Variants in ITGB5 observed in about 807,000 individuals in gnomAD.
ITGB5 encodes integrin beta-5.
Under a neutral mutation model 84.8 loss-of-function variants are expected in ITGB5, and 38 were observed. That is an observed-to-expected ratio of 0.45 (90% CI 0.35 to 0.59). The LOEUF is 0.59. Ranked by LOEUF, ITGB5 falls within the 20% of genes least tolerant of loss-of-function variation. The pLI, the probability that ITGB5 is intolerant of heterozygous loss-of-function variation, is 0.01. For missense variants in ITGB5, 905 were observed against 1,034.5 expected, an observed-to-expected ratio of 0.87 and a Z score of 1.72; for synonymous variants, 393 against 414.4, an observed-to-expected ratio of 0.95 and a Z score of 0.63.
chr3:124,777,859 T>C (rs2063946839), intron 10 of ITGB5, among the ~76,000 whole-genome samples: 1 of 152,210 alleles, frequency 6.6e-6, no homozygotes, highest in South Asian at 2.1e-4. Flanking sequence ...CAGTTGAGCC[T>C]CAACCTGCCT....
intron 1 of ITGB5, among the ~76,000 whole-genome samples, chr3:124,894,285 C>T (rs1484764180): frequency 6.6e-6 from 1 of 151,830 alleles, no homozygotes; most frequent in Non-Finnish European, 1.5e-5. Flanking sequence ...AGGCGCCCAC[C>T]ACCATGCCCG....
At chr3:124,790,520 G>A (rs144195265) in intron 10 of ITGB5, among the ~76,000 whole-genome samples, 3,300 of 146,888 alleles carry the variant, frequency 0.022, no homozygotes, top group South Asian at 0.065. Context: ...TATCAGAACC[G>A]CCTTTGACTA....
At chr3:124,851,102 G>A (rs1499965) in intron 3 of ITGB5, among the ~76,000 whole-genome samples, 17,419 of 152,214 alleles carry the variant, frequency 0.11, 1,115 homozygotes, top group Admixed American at 0.17. Context: ...TTAACAGATG[G>A]GCACTTTAAA....
intron 8 of ITGB5, among the ~76,000 whole-genome samples, chr3:124,813,897 T>G (rs1435767130): frequency 1.3e-5 from 2 of 152,034 alleles, no homozygotes; most frequent in Non-Finnish European, 2.9e-5. Context: ...AACCCTCTAA[T>G]CACATGGCTG....
intron 5 of ITGB5, among the ~76,000 whole-genome samples, chr3:124,834,157 G>A (rs764492653): frequency 2.0e-5 from 3 of 151,998 alleles, no homozygotes; most frequent in African/African-American, 7.2e-5. Flanking sequence ...ACCTGTTGTC[G>A]TACATTTGTT....
At chr3:124,793,062 C>T (rs1008972283) in intron 10 of ITGB5, 10 of 152,136 alleles carry the variant, frequency 6.6e-5, no homozygotes, top group African/African-American at 1.2e-4. Context: ...TGTTCCCTAC[C>T]GAGTACCAGG....
intron 5 of ITGB5, among the ~76,000 whole-genome samples, chr3:124,823,414 C>A (rs1055756874): frequency 6.6e-6 from 1 of 151,842 alleles, no homozygotes; most frequent in Non-Finnish European, 1.5e-5. Flanking sequence ...AGTGAAGAGG[C>A]CAGACACATT....
At chr3:124,889,779 C>A (rs1213621049), upstream of ITGB5, among the ~76,000 whole-genome samples, 1 of 152,018 alleles carries the variant, frequency 6.6e-6, no homozygotes, top group Non-Finnish European at 1.5e-5. Context: ...TTTGGGAGAC[C>A]CAGTCGGGTG....
At chr3:124,827,976 C>T (rs147410928) in intron 5 of ITGB5, among the ~76,000 whole-genome samples, 2,243 of 150,848 alleles carry the variant, frequency 0.015, 25 homozygotes, top group South Asian at 0.03. Flanking sequence ...TATAAAACAG[C>T]ACCCCCCCAA....
chr3:124,829,206 A>G (rs369819649), intron 5 of ITGB5, among the ~76,000 whole-genome samples: 1 of 152,232 alleles, frequency 6.6e-6, no homozygotes, highest in Admixed American at 6.5e-5. Context: ...TGTTGAATAT[A>G]TTCTCTTTTT....
chr3:124,851,358 G>A (rs191128691), intron 3 of ITGB5, among the ~76,000 whole-genome samples: 17 of 152,176 alleles, frequency 1.1e-4, no homozygotes, highest in Admixed American at 2.0e-4. Flanking sequence ...CTTTGGCCTC[G>A]GTTTTCCCAA....
rs778315404 is a variant in ITGB5, at chr3:124,848,341, C to G, written c.579G>C (p.Thr193=). The part of the protein sequence containing the change: ...VDKDISPFSY[T]APRYQTNPCI... ...ACGGATTGGTCTGGTACCTCGGTGCCGTGTAGGAGAAAGGAGAGATGTCCT... is the reference window on the plus strand; with the variant it reads ...ACGGATTGGTCTGGTACCTCGGTGCGGTGTAGGAGAAAGGAGAGATGTCCT... Residue 193 remains threonine, a synonymous_variant, in exon 4 of 15, where the codon ACG becomes ACC. Coordinates refer to ENST00000296181, the MANE Select transcript of ITGB5 (RefSeq NM_002213.5). 20 of 1,614,142 alleles carry G rather than the reference C, an allele frequency of 1.2e-5. 1 individual carries two copies. The Middle Eastern group carries it at 1.6e-3, about 133-fold the overall frequency.
At chr3:124,888,312 C>G (rs1343648662), upstream of ITGB5, among the ~76,000 whole-genome samples, 1 of 152,154 alleles carries the variant, frequency 6.6e-6, no homozygotes, top group Non-Finnish European at 1.5e-5. Context: ...CTGTCAGTTT[C>G]CATGATCAAA....
chr3:124,881,282 C>G (rs532406202), intron 1 of ITGB5, among the ~76,000 whole-genome samples: 11 of 152,234 alleles, frequency 7.2e-5, no homozygotes, highest in African/African-American at 2.6e-4. Context: ...CCCTGCCTGG[C>G]CAAATCTTTT....
chr3:124,805,905 A>T (rs2064394452), intron 9 of ITGB5, among the ~76,000 whole-genome samples: 1 of 152,198 alleles, frequency 6.6e-6, no homozygotes, highest in Non-Finnish European at 1.5e-5. Context: ...ATTTCAATCC[A>T]TCTCAATTTC....
At chr3:124,764,963 GGCC>G (rs1461492904) in intron 13 of ITGB5, among the ~76,000 whole-genome samples, 3 of 152,334 alleles carry the variant, frequency 2.0e-5, no homozygotes, top group South Asian at 4.1e-4. Context: ...CTGGGCTGGG[GGCC>G]AACATTTGTA....
intron 2 of ITGB5, among the ~76,000 whole-genome samples, chr3:124,868,958 C>G (rs1163688927): frequency 6.6e-6 from 1 of 152,116 alleles, no homozygotes; most frequent in Non-Finnish European, 1.5e-5. Context: ...TACATGATAC[C>G]TGTGGGAGGA....
At chr3:124,779,485 T>C (rs1246333692) in intron 10 of ITGB5, among the ~76,000 whole-genome samples, 2 of 151,944 alleles carry the variant, frequency 1.3e-5, no homozygotes, top group Admixed American at 6.6e-5. Flanking sequence ...AGGTGGGAAG[T>C]TGTGCATAAG....
intron 5 of ITGB5, among the ~76,000 whole-genome samples, chr3:124,838,961 C>T (rs1239824683): frequency 6.6e-6 from 1 of 152,156 alleles, no homozygotes; most frequent in African/African-American, 2.4e-5. Context: ...CAAAAGTAGT[C>T]CATAAACTAC....
Sources: gnomAD v4.1 joint callset for allele counts (sites outside exome capture counted in the v4.1 genomes callset) on GRCh38, gnomAD v4.1.1 for gene constraint, MANE v1.5 for transcripts, NCBI Gene and HGNC (gene_info 2026-07-23, HGNC 2026-07-21) for gene names.